Variants in ERBB4 observed in about 807,000 individuals in gnomAD.
The protein encoded by ERBB4 is erb-b2 receptor tyrosine kinase 4, also known as receptor tyrosine-protein kinase erbB-4.
In ERBB4, 42 loss-of-function variants were observed where a neutral mutation model predicts 158.0. The ratio of observed to expected loss-of-function variants is 0.27; its 90% CI spans 0.21 to 0.34. ERBB4 has a LOEUF of 0.34. ERBB4 is among the 10% of genes least tolerant of loss of function. ERBB4 has a pLI of 1.00. For synonymous variants in ERBB4, 583 were observed against 558.7 expected, an observed-to-expected ratio of 1.04 and a Z score of -0.61; for missense variants, 1,333 against 1,624.1, an observed-to-expected ratio of 0.82 and a Z score of 3.08.
intron 1 of ERBB4, among the ~76,000 whole-genome samples, chr2:212,145,673 G>A (rs2080641945): frequency 7.4e-6 from 1 of 134,734 alleles, no homozygotes; most frequent in African/African-American, 2.7e-5. Context: ...CAACAGCTAA[G>A]TGTACAGCCT....
At chr2:211,925,624 G>A (rs765474431) in intron 3 of ERBB4, among the ~76,000 whole-genome samples, 14 of 151,732 alleles carry the variant, frequency 9.2e-5, no homozygotes, top group African/African-American at 2.9e-4. Context: ...CTTGTGATCC[G>A]CCCACCTCGG....
At chr2:212,389,652 C>T (rs974627624) in intron 1 of ERBB4, among the ~76,000 whole-genome samples, 1 of 152,090 alleles carries the variant, frequency 6.6e-6, no homozygotes, top group South Asian at 2.1e-4. Flanking sequence ...ACTTACAAGT[C>T]TCCACGGAAT....
At chr2:212,056,121 C>T (rs1418813264) in intron 2 of ERBB4, among the ~76,000 whole-genome samples, 8 of 152,172 alleles carry the variant, frequency 5.3e-5, no homozygotes, top group Non-Finnish European at 1.2e-4. Flanking sequence ...ACGAGAACTA[C>T]GTGACGAATA....
chr2:211,723,517 T>G (rs2074169558), intron 6 of ERBB4, among the ~76,000 whole-genome samples: 1 of 152,124 alleles, frequency 6.6e-6, no homozygotes, highest in Non-Finnish European at 1.5e-5. Context: ...AAACATTGCT[T>G]CATCAATTGT....
intron 1 of ERBB4, among the ~76,000 whole-genome samples, chr2:212,346,802 T>C (rs1017440671): frequency 2.6e-5 from 4 of 152,104 alleles, no homozygotes; most frequent in Admixed American, 6.6e-5. Context: ...AGGGCCAAGG[T>C]ACTTAGGAAA....
chr2:211,454,705 CT>C (rs1488484730), intron 20 of ERBB4, among the ~76,000 whole-genome samples: 1 of 152,178 alleles, frequency 6.6e-6, no homozygotes, highest in African/African-American at 2.4e-5. Context: ...CTCCTATTCC[CT>C]GTTTTAATTG....
chr2:212,081,561 G>A (rs761681037), intron 2 of ERBB4, among the ~76,000 whole-genome samples: 3 of 152,002 alleles, frequency 2.0e-5, no homozygotes, highest in Admixed American at 6.6e-5. Flanking sequence ...GTCAATGAGA[G>A]CTTTTCCTGT....
At chr2:212,159,706 G>T (rs1334878671) in intron 1 of ERBB4, among the ~76,000 whole-genome samples, 1 of 151,766 alleles carries the variant, frequency 6.6e-6, no homozygotes, top group Non-Finnish European at 1.5e-5. Flanking sequence ...CTTGAAGAAA[G>T]CAAGGCAACC....
chr2:212,031,152 C>A (rs927447935), intron 2 of ERBB4, among the ~76,000 whole-genome samples: 1 of 152,108 alleles, frequency 6.6e-6, no homozygotes, highest in African/African-American at 2.4e-5. Context: ...GCTAAAATAT[C>A]ATCTCTTCAC....
chr2:211,923,052 G>A (rs996172833), intron 3 of ERBB4, among the ~76,000 whole-genome samples: 16 of 152,104 alleles, frequency 1.1e-4, no homozygotes, highest in African/African-American at 2.4e-4. Flanking sequence ...GTTATTCCAC[G>A]TAAATTATAG....
chr2:211,989,362 C>A (rs1215822070), intron 2 of ERBB4, among the ~76,000 whole-genome samples: 1 of 151,864 alleles, frequency 6.6e-6, no homozygotes, highest in African/African-American at 2.4e-5. Context: ...TTCCCAAAAT[C>A]CAATACATTG....
chr2:212,253,387 C>T (rs1286467402), intron 1 of ERBB4, among the ~76,000 whole-genome samples: 1 of 151,972 alleles, frequency 6.6e-6, no homozygotes, highest in Non-Finnish European at 1.5e-5. Flanking sequence ...CATTTTGGTG[C>T]ATTTTTCTTG....
intron 1 of ERBB4, among the ~76,000 whole-genome samples, chr2:212,535,253 T>C (rs767704743): frequency 2.6e-5 from 4 of 152,008 alleles, no homozygotes; most frequent in East Asian, 1.9e-4. Flanking sequence ...TATATATATA[T>C]GAGAATTTCA....
intron 1 of ERBB4, among the ~76,000 whole-genome samples, chr2:212,172,168 A>T (rs544828922): frequency 6.6e-6 from 1 of 152,314 alleles, no homozygotes; most frequent in African/African-American, 2.4e-5. Context: ...AAAAAAGCTC[A>T]ATATCACTGA....
chr2:212,110,851 T>C (rs1245039915), intron 2 of ERBB4, among the ~76,000 whole-genome samples: 1 of 129,836 alleles, frequency 7.7e-6, no homozygotes, highest in African/African-American at 2.7e-5. Flanking sequence ...TAACTTCTTG[T>C]TTGTTGAATC....
At chr2:211,658,901 T>C (rs73080742) in intron 15 of ERBB4, among the ~76,000 whole-genome samples, 7,145 of 152,202 alleles carry the variant, frequency 0.047, 566 homozygotes, top group African/African-American at 0.16. Context: ...GAACTCTTTA[T>C]CTTTTCCTTT....
chr2:212,134,656 T>C (rs947264140), intron 1 of ERBB4, among the ~76,000 whole-genome samples: 1 of 150,868 alleles, frequency 6.6e-6, no homozygotes, highest in African/African-American at 2.4e-5. Context: ...CGTAGACTGC[T>C]GAAATTAACT....
At chr2:211,425,922 C>T (rs892064101) in intron 22 of ERBB4, among the ~76,000 whole-genome samples, 2 of 152,018 alleles carry the variant, frequency 1.3e-5, no homozygotes, top group Non-Finnish European at 1.5e-5. Context: ...GGGTTTGAGC[C>T]ATCTGCCCAC....
intron 20 of ERBB4, among the ~76,000 whole-genome samples, chr2:211,531,431 A>G (rs1188277111): frequency 2.0e-5 from 3 of 152,134 alleles, no homozygotes; most frequent in African/African-American, 7.2e-5. Flanking sequence ...CAAGGGATTA[A>G]TAACCAGAAG....
Sources: allele counts gnomAD v4.1 joint callset (sites outside exome capture counted in the v4.1 genomes callset), GRCh38; gene constraint gnomAD v4.1.1; transcripts MANE v1.5; gene names NCBI Gene and HGNC (gene_info 2026-07-23, HGNC 2026-07-21).